The following DMXL2 variants were observed in gnomAD, a reference collection of about 807,000 sequenced individuals.
DMXL2 encodes Dmx like 2, also known as dmX-like protein 2.
DMXL2 carries 103 observed loss-of-function variants against 331.1 expected under a neutral mutation model. The ratio of observed to expected loss-of-function variants is 0.31; its 90% confidence interval spans 0.27 to 0.37. DMXL2 has a LOEUF of 0.37. Ranked by LOEUF, DMXL2 falls within the 10% of genes least tolerant of loss-of-function variation. The pLI is 1.00. For missense variants in DMXL2, 3,171 were observed against 3,642.9 expected, an observed-to-expected ratio of 0.87 and a Z score of 3.33; for synonymous variants, 1,281 against 1,252.1, an observed-to-expected ratio of 1.02 and a Z score of -0.49.
intron 22 of DMXL2, among the ~76,000 whole-genome samples, chr15:51,487,190 C>T (rs561049941): frequency 6.6e-6 from 1 of 152,216 alleles, no homozygotes; most frequent in East Asian, 1.9e-4. Context: ...TACCTCCTCA[C>T]ATCGTTTTCT....
intron 43 of DMXL2, among the ~76,000 whole-genome samples, chr15:51,449,735 T>TA (rs1888853979): frequency 6.6e-6 from 1 of 152,160 alleles, no homozygotes; most frequent in South Asian, 2.1e-4. Flanking sequence ...AATCCCACCA[T>TA]AAAGTCAAGG....
At chr15:51,592,661 C>T (rs1470686230) in intron 1 of DMXL2, among the ~76,000 whole-genome samples, 1 of 152,170 alleles carries the variant, frequency 6.6e-6, no homozygotes, top group Non-Finnish European at 1.5e-5. Context: ...TAAGCGCAGC[C>T]AGAGAGAAAG....
intron 9 of DMXL2, among the ~76,000 whole-genome samples, chr15:51,541,761 A>G (rs1260403628): frequency 6.6e-6 from 1 of 152,160 alleles, no homozygotes; most frequent in Non-Finnish European, 1.5e-5. Flanking sequence ...AGGAAAACAT[A>G]TTGCCTTTAA....
chr15:51,503,929 AT>A (rs1047789690), intron 16 of DMXL2, among the ~76,000 whole-genome samples: 2 of 149,076 alleles, frequency 1.3e-5, no homozygotes, highest in Non-Finnish European at 3.0e-5. Flanking sequence ...ATAAGCTTAA[AT>A]TTTTTTTTTT....
At chr15:51,521,633 T>C (rs2047388393) in intron 13 of DMXL2, among the ~76,000 whole-genome samples, 1 of 152,186 alleles carries the variant, frequency 6.6e-6, no homozygotes, top group African/African-American at 2.4e-5. Flanking sequence ...ACAGCATCAA[T>C]GAATCCAATG....
At chr15:51,592,434 C>T (rs2052442027) in intron 1 of DMXL2, among the ~76,000 whole-genome samples, 1 of 152,310 alleles carries the variant, frequency 6.6e-6, no homozygotes, top group South Asian at 2.1e-4. Context: ...ACCAAATCTA[C>T]GTCTCATTGG....
chr15:51,483,403 C>T (rs74738081), intron 23 of DMXL2, among the ~76,000 whole-genome samples: 1,596 of 152,296 alleles, frequency 0.01, 23 homozygotes, highest in African/African-American at 0.037. Context: ...CTATGCAGAG[C>T]CTAGGACCAT....
In DMXL2 at chr15:51,498,141, G is replaced by A. The variant is rs543658207; in HGVS notation, c.4672+411C>T. 6.6e-5 allele frequency among the ~76,000 whole-genome samples: 10 copies of A among 152,268 alleles called. 1 individual carries two copies. The highest frequency in any genetic ancestry group is 3.9e-4 in the Admixed American group (6 of 15,294). ...TGTGGTCCCGGCTATTCAGGAGGCT[G>A]AGATAGGAAGATTACTTGAACCTGA... On this transcript the variant is annotated intron_variant, in intron 18 of 43. Transcript: ENST00000560891.
chr15:51,458,389 C>A, intron 36 of DMXL2, 117 bp downstream of exon 36: 1 of 1,109,114 alleles, frequency 9.0e-7, no homozygotes, highest in Non-Finnish European at 1.3e-6. Context: ...ATATTTGTCA[C>A]CTACCCAAAT....
intron 1 of DMXL2, among the ~76,000 whole-genome samples, chr15:51,578,234 G>A (rs908054319): frequency 6.6e-6 from 1 of 152,166 alleles, no homozygotes; most frequent in African/African-American, 2.4e-5. Flanking sequence ...AATGCAAAGT[G>A]TTCAAACTCA....
intron 13 of DMXL2, among the ~76,000 whole-genome samples, chr15:51,527,722 C>CAAAAAAAAAA (rs1021372436): frequency 1.3e-5 from 1 of 75,390 alleles, no homozygotes. Flanking sequence ...ATTCTGCCTC[C>CAAAAAAAAAA]AAAAAAAAAA....
rs182105519 is a variant in DMXL2 at position 51,459,571 on chromosome 15, G to A, written c.7989+27C>T. On this transcript the variant is annotated intron_variant, in intron 34 of 43. Coordinates refer to ENST00000560891, the MANE Select transcript of DMXL2 (RefSeq NM_001378457.1). ...TAGCTCCTTGAACTTTAAAGAATGA[G>A]CTAAATACAAGATCTTGGAATACTA... 1.0e-5 allele frequency: 13 copies of A among 1,289,290 alleles called. No individual in the cohort carries two copies. In the East Asian group the frequency reaches 3.9e-4, roughly 39 times the overall value. The allele number at this position is 1,289,290 out of a possible 1,614,324, so 79.9% of individuals were successfully genotyped here. A position where few individuals can be genotyped will look rare whatever the true frequency, so the allele number is the denominator to read the frequency against.
In DMXL2 at chr15:51,456,938, G is replaced by A. The variant is rs531661449; in HGVS notation, c.8337+390C>T. ...TGTAATCCTAGCACCTTGGGAGGCT[G>A]AAGCGGGTAGATCACTTGAGCCCAG... On this transcript the variant is annotated intron_variant, in intron 37 of 43. Coordinates refer to ENST00000560891, the MANE Select transcript of DMXL2 (RefSeq NM_001378457.1). Among the ~76,000 whole-genome samples, 4 of 152,310 alleles carry A rather than the reference G, an allele frequency of 2.6e-5. No individual in the cohort carries two copies. In the South Asian group the frequency reaches 6.2e-4, roughly 24 times the overall value.
At chr15:51,516,905 G>A (rs976223192) in intron 14 of DMXL2, among the ~76,000 whole-genome samples, 173 bp downstream of exon 14, 6 of 152,170 alleles carry the variant, frequency 3.9e-5, no homozygotes, top group African/African-American at 1.4e-4. Context: ...GGTTTCCCAA[G>A]GAGAAAAATA....
At chr15:51,450,532 AAC>A (rs2039041470) in intron 42 of DMXL2, 186 bp from the exon 43 acceptor site, 4 of 617,228 alleles carry the variant, frequency 6.5e-6, no homozygotes, top group Admixed American at 3.0e-5. Flanking sequence ...GCAATGTCAG[AAC>A]AAACTTTTTA....
At chr15:51,469,525 G>T (rs991134175) in intron 29 of DMXL2, among the ~76,000 whole-genome samples, 4 of 152,100 alleles carry the variant, frequency 2.6e-5, no homozygotes, top group Admixed American at 2.0e-4. Flanking sequence ...GAGGAAAAAA[G>T]ATTAATAGTA....
chr15:51,459,742 A>G, intron 33 of DMXL2, 82 bp from the exon 34 acceptor site: 1 of 1,276,856 alleles, frequency 7.8e-7, no homozygotes, highest in East Asian at 5.6e-5. Context: ...TCAAGCTGAA[A>G]TGGCCACTCC....
chr15:51,580,452 G>C (rs2051332042), intron 1 of DMXL2, among the ~76,000 whole-genome samples: 1 of 152,176 alleles, frequency 6.6e-6, no homozygotes, highest in African/African-American at 2.4e-5. Flanking sequence ...CAAGGAAAAG[G>C]ACTGCAAGCC....
At chr15:51,614,280 A>G (rs2054154256) in intron 1 of DMXL2, among the ~76,000 whole-genome samples, 1 of 152,224 alleles carries the variant, frequency 6.6e-6, no homozygotes, top group African/African-American at 2.4e-5. Context: ...GAGGAAAAAA[A>G]ATCTGTTGTT....
Sources: allele counts gnomAD v4.1 joint callset (sites outside exome capture counted in the v4.1 genomes callset), GRCh38; gene constraint gnomAD v4.1.1; transcripts MANE v1.5; gene names NCBI Gene and HGNC (gene_info 2026-07-23, HGNC 2026-07-21).